Variants in CATSPERE observed in about 807,000 individuals in gnomAD.
CATSPERE encodes the protein cation channel sperm-associated auxiliary subunit epsilon.
A neutral mutation model predicts 114.1 loss-of-function variants in CATSPERE; 93 were observed. That is an observed-to-expected ratio of 0.81 (90% confidence interval 0.69 to 0.97). The LOEUF is 0.97. CATSPERE is among the 50% of genes least tolerant of loss of function. The pLI is 0.00. For synonymous variants in CATSPERE, 341 were observed against 384.1 expected (o/e 0.89, Z 1.31); for missense variants, 1,058 against 1,131.6 (o/e 0.93, Z 0.93).
At chr1:244,484,976 G>A (rs535232870) in intron 5 of CATSPERE, among the ~76,000 whole-genome samples, 1 of 151,738 alleles carries the variant, frequency 6.6e-6, no homozygotes, top group South Asian at 2.1e-4. Context: ...GTCTAGCTTC[G>A]ACTTCAGTTG....
intron 8 of CATSPERE, among the ~76,000 whole-genome samples, chr1:244,548,063 AT>A (rs1490147872): frequency 1.3e-5 from 2 of 152,248 alleles, no homozygotes; most frequent in African/African-American, 4.8e-5. Context: ...ACGAATAAAT[AT>A]GGGGAAGAAG....
intron 18 of CATSPERE, 150 bp from the exon 19 acceptor site, chr1:244,610,090 G>A: frequency 1.8e-6 from 1 of 566,316 alleles, no homozygotes; most frequent in Non-Finnish European, 3.1e-6. Flanking sequence ...AAAATCAATT[G>A]TCAATTATTC....
intron 7 of CATSPERE, among the ~76,000 whole-genome samples, chr1:244,516,247 T>C (rs1199367083): frequency 1.3e-5 from 2 of 152,114 alleles, no homozygotes; most frequent in African/African-American, 2.4e-5. Context: ...AGTAATATAA[T>C]GAAACTTGTT....
intron 6 of CATSPERE, among the ~76,000 whole-genome samples, chr1:244,491,384 C>T (rs1672129310): frequency 6.6e-6 from 1 of 151,946 alleles, no homozygotes; most frequent in African/African-American, 2.4e-5. Flanking sequence ...TAAAGATGTT[C>T]TTTGAAACCA....
chr1:244,489,450 A>ATTTTTTTTTTTTTTTTTTTTTT (rs10524749), intron 5 of CATSPERE, among the ~76,000 whole-genome samples: 2 of 85,568 alleles, frequency 2.3e-5, no homozygotes, highest in African/African-American at 9.0e-5. Context: ...AAGCATGCAG[A>ATTTTTTTTTTTTTTTTTTTTTT]TTTTTTTTTT....
At chr1:244,547,876 A>G (rs1359833777) in intron 8 of CATSPERE, among the ~76,000 whole-genome samples, 1 of 152,276 alleles carries the variant, frequency 6.6e-6, no homozygotes, top group Non-Finnish European at 1.5e-5. Flanking sequence ...TGGACTGAAA[A>G]ATAAGACCCA....
chr1:244,509,637 T>A (rs1675376140), intron 7 of CATSPERE, among the ~76,000 whole-genome samples: 2 of 152,204 alleles, frequency 1.3e-5, no homozygotes, highest in African/African-American at 4.8e-5. Flanking sequence ...TTTGGAATAG[T>A]TTGCAGAGAA....
chr1:244,594,792 G>C (rs568633171), intron 17 of CATSPERE, among the ~76,000 whole-genome samples: 1 of 152,306 alleles, frequency 6.6e-6, no homozygotes, highest in African/African-American at 2.4e-5. Context: ...CTGGGATCCT[G>C]CAGGCCTCTG....
rs1372428776 is a variant in CATSPERE at position 244,610,269 on chromosome 1, G to T, written c.2433G>T (p.Trp811Cys). Residue 811 changes from tryptophan (W) to cysteine (C), a missense_variant, in exon 19 of 22, where the codon TGG (tryptophan) becomes TGT (cysteine). Trp to Cys is a radical substitution (Grantham distance 215). Coordinates refer to ENST00000366534, the MANE Select transcript of CATSPERE (RefSeq NM_001130957.2). ...GTTGTTTACATGAAGCACAGACATG[G>T]AAGTCAATGATTGAACTTAACAAGC... ...QSGCLHEAQT[W>C]KSMIELNKHL... The T allele has an allele frequency of 6.2e-7, 1 of 1,612,594 alleles. No individual in the cohort carries two copies. The highest frequency in any genetic ancestry group is 1.1e-5 in the South Asian group (1 of 90,514).
intron 6 of CATSPERE, among the ~76,000 whole-genome samples, chr1:244,491,683 C>T (rs917616698): frequency 2.6e-5 from 4 of 151,786 alleles, no homozygotes; most frequent in Non-Finnish European, 4.4e-5. Context: ...CCAACAAAAT[C>T]GATAGACCGC....
chr1:244,610,993 C>T (rs998967072), intron 19 of CATSPERE, among the ~76,000 whole-genome samples: 9 of 152,180 alleles, frequency 5.9e-5, no homozygotes, highest in Non-Finnish European at 1.0e-4. Context: ...CTCCTGACCT[C>T]AAGTGATCCA....
At chr1:244,557,221 T>C (rs1442542591) in intron 9 of CATSPERE, among the ~76,000 whole-genome samples, 1 of 151,980 alleles carries the variant, frequency 6.6e-6, no homozygotes, top group Non-Finnish European at 1.5e-5. Context: ...TGGTTCCATA[T>C]GAATTTTAGG....
At chr1:244,528,785 CCACACACA>C (rs56746061) in intron 8 of CATSPERE, among the ~76,000 whole-genome samples, 82 of 130,582 alleles carry the variant, frequency 6.3e-4, no homozygotes, top group African/African-American at 2.1e-3. Context: ...CAATCCCCCA[CCACACACA>C]CACACACACA....
chr1:244,526,446 C>T (rs1436598136), intron 8 of CATSPERE, among the ~76,000 whole-genome samples: 2 of 151,716 alleles, frequency 1.3e-5, no homozygotes, highest in Non-Finnish European at 2.9e-5. Context: ...TAATTTCTTA[C>T]ATGTCCTTGT....
chr1:244,583,997 AC>A, intron 13 of CATSPERE, 58 bp downstream of exon 13: 1 of 1,395,784 alleles, frequency 7.2e-7, no homozygotes, highest in East Asian at 2.3e-5. Flanking sequence ...TAGGCGGTCA[AC>A]CAAATAATGC....
intron 19 of CATSPERE, among the ~76,000 whole-genome samples, chr1:244,616,238 C>T (rs1047984749): frequency 1.3e-5 from 2 of 152,126 alleles, no homozygotes; most frequent in Admixed American, 6.6e-5. Context: ...TAGAGCTTAT[C>T]GTTATTGCCA....
intron 13 of CATSPERE, among the ~76,000 whole-genome samples, chr1:244,584,978 G>A (rs1666825552): frequency 6.6e-6 from 1 of 152,292 alleles, no homozygotes; most frequent in South Asian, 2.1e-4. Context: ...GCCTAGGTCT[G>A]CAGTTTCTGT....
intron 14 of CATSPERE, among the ~76,000 whole-genome samples, 170 bp from the exon 15 acceptor site, chr1:244,591,511 T>C (rs1340897917): frequency 6.6e-6 from 1 of 152,244 alleles, no homozygotes; most frequent in Non-Finnish European, 1.5e-5. Context: ...ATGAAACTGA[T>C]GTTTTAAAAA....
chr1:244,630,845 A>G (rs1673851635), intron 20 of CATSPERE, among the ~76,000 whole-genome samples: 1 of 152,018 alleles, frequency 6.6e-6, no homozygotes, highest in South Asian at 2.1e-4. Flanking sequence ...TTATTTCTAT[A>G]CATTATAATA....
Sources: gnomAD v4.1 joint callset for allele counts (sites outside exome capture counted in the v4.1 genomes callset) on GRCh38, gnomAD v4.1.1 for gene constraint, MANE v1.5 for transcripts, NCBI Gene and HGNC (gene_info 2026-07-23, HGNC 2026-07-21) for gene names.